Variants in MEIS1 observed in about 807,000 individuals in gnomAD.
The protein encoded by MEIS1 is Meis homeobox 1, also known as homeobox protein Meis1.
In MEIS1, 5 loss-of-function variants were observed where a neutral mutation model predicts 50.8. The ratio of observed to expected loss-of-function variants is 0.10; its 90% CI spans 0.05 to 0.21. The LOEUF is 0.21. MEIS1 is among the 10% of genes least tolerant of loss of function. MEIS1 has a pLI of 1.00. For missense variants in MEIS1, 318 were observed against 517.3 expected, an observed-to-expected ratio of 0.61 and a Z score of 3.74; for synonymous variants, 176 against 179.3, an observed-to-expected ratio of 0.98 and a Z score of 0.15.
At chr2:66,499,761 G>A (rs1339868118) in intron 7 of MEIS1, among the ~76,000 whole-genome samples, 1 of 150,290 alleles carries the variant, frequency 6.7e-6, no homozygotes, top group African/African-American at 2.5e-5. Flanking sequence ...AATCAGGAAA[G>A]ATGTGGTCCG....
intron 8 of MEIS1, among the ~76,000 whole-genome samples, chr2:66,537,635 A>G (rs2103908514): frequency 6.6e-6 from 1 of 152,272 alleles, no homozygotes; most frequent in African/African-American, 2.4e-5. Flanking sequence ...TTAGACAAGG[A>G]TTTTTCCTGA....
intron 6 of MEIS1, among the ~76,000 whole-genome samples, chr2:66,458,887 A>G (rs991556753): frequency 2.6e-5 from 4 of 152,258 alleles, no homozygotes; most frequent in African/African-American, 4.8e-5. Context: ...AAGATTCCAT[A>G]TGTATTACTT....
At chr2:66,441,550 C>CA in intron 5 of MEIS1, 86 bp downstream of exon 5, 3 of 1,081,548 alleles carry the variant, frequency 2.8e-6, no homozygotes, top group Non-Finnish European at 2.6e-6. Context: ...GAAGTTCAGC[C>CA]TTCTGATACA....
Position 66,448,839 on chromosome 2 carries a change from A to G in MEIS1, c.630+5791A>G, listed in dbSNP as rs115799649. Among the ~76,000 whole-genome samples the G allele has an allele frequency of 4.6e-3, 708 of 152,284 alleles. 10 individuals are homozygous for G. The highest frequency in any genetic ancestry group is 0.016 in the African/African-American group (679 of 41,586). On this transcript the variant is annotated intron_variant, in intron 6 of 12. Coordinates refer to ENST00000272369, the MANE Select transcript of MEIS1 (RefSeq NM_002398.3). The stretch of plus-strand genomic sequence containing the variant: ...CTTCCTGTAAGAAGGTCTATAATTC[A>G]AAATTATTTGACTCCACTGTCAGGG...
chr2:66,502,247 C>T (rs1244359239), intron 7 of MEIS1, among the ~76,000 whole-genome samples: 1 of 151,966 alleles, frequency 6.6e-6, no homozygotes, highest in Non-Finnish European at 1.5e-5. Context: ...CAAATATAGG[C>T]AGGGGTAAAT....
At chr2:66,544,915 C>A (rs1674753050) in intron 8 of MEIS1, among the ~76,000 whole-genome samples, 1 of 152,276 alleles carries the variant, frequency 6.6e-6, no homozygotes, top group Admixed American at 6.5e-5. Flanking sequence ...CCCTTTGAAG[C>A]TCCAGGTAGT....
chr2:66,484,218 G>A (rs1458987327), intron 7 of MEIS1, among the ~76,000 whole-genome samples: 1 of 152,128 alleles, frequency 6.6e-6, no homozygotes, highest in Non-Finnish European at 1.5e-5. Context: ...TTGTTTATAA[G>A]AAATCAACTT....
chr2:66,549,730 A>C (rs1674873667), intron 9 of MEIS1, among the ~76,000 whole-genome samples: 1 of 152,120 alleles, frequency 6.6e-6, no homozygotes, highest in South Asian at 2.1e-4. Context: ...TCTCTAGTTA[A>C]GAAACGAAAA....
intron 9 of MEIS1, among the ~76,000 whole-genome samples, chr2:66,560,116 T>G (rs1675176536): frequency 6.6e-6 from 1 of 151,622 alleles, no homozygotes; most frequent in Non-Finnish European, 1.5e-5. Flanking sequence ...TTTTTTTTTT[T>G]TTTTTTTAGG....
At chr2:66,508,916 A>G (rs1337004253) in intron 7 of MEIS1, 5 of 431,182 alleles carry the variant, frequency 1.2e-5, no homozygotes, top group East Asian at 1.5e-4. Context: ...GTTTGCCTTC[A>G]TTTGGCGGCA....
At chr2:66,501,453 A>T (rs1319608810) in intron 7 of MEIS1, among the ~76,000 whole-genome samples, 1 of 148,562 alleles carries the variant, frequency 6.7e-6, no homozygotes, top group Non-Finnish European at 1.5e-5. Context: ...ATTTAGTTGT[A>T]AAAAAAAAAT....
intron 6 of MEIS1, among the ~76,000 whole-genome samples, chr2:66,459,210 AG>A (rs1193048652): frequency 6.6e-6 from 1 of 152,166 alleles, no homozygotes; most frequent in Non-Finnish European, 1.5e-5. Context: ...GGCTGGGGTC[AG>A]GCAGGGCAGA....
In MEIS1 at chr2:66,556,491, C is replaced by CTT. The variant is rs11369455; in HGVS notation, c.965+8485_965+8486dup. ...ATCTGGCTTAATATTGATAAAGTCACTTTTTTTTTTTTTTCAAAAACAATA... is the reference window on the plus strand; with the variant it reads ...ATCTGGCTTAATATTGATAAAGTCACTTTTTTTTTTTTTTTTCAAAAACAATA... On this transcript the variant is annotated intron_variant, in intron 9 of 12. Coordinates refer to ENST00000272369, the MANE Select transcript of MEIS1 (RefSeq NM_002398.3). Among the ~76,000 whole-genome samples, 703 of 143,890 alleles carry CTT rather than the reference C, an allele frequency of 4.9e-3. 3 individuals are homozygous for CTT. The highest frequency in any genetic ancestry group is 0.024 in the East Asian group (118 of 4,934). The allele number at this position is 143,890 out of a possible 152,430, so 94.4% of individuals were successfully genotyped here.
intron 8 of MEIS1, among the ~76,000 whole-genome samples, chr2:66,522,437 G>A (rs1674147882): frequency 6.6e-6 from 1 of 152,212 alleles, no homozygotes; most frequent in Admixed American, 6.5e-5. Context: ...TGGGCCAGGC[G>A]AGGGGATCCT....
At chr2:66,535,444 C>G (rs111242231) in intron 8 of MEIS1, among the ~76,000 whole-genome samples, 1 of 152,202 alleles carries the variant, frequency 6.6e-6, no homozygotes, top group Non-Finnish European at 1.5e-5. Context: ...AACTTTATCT[C>G]ACAGTCTTGT....
At chr2:66,469,102 A>G (rs974420461) in intron 7 of MEIS1, among the ~76,000 whole-genome samples, 2 of 152,154 alleles carry the variant, frequency 1.3e-5, no homozygotes, top group Non-Finnish European at 2.9e-5. Flanking sequence ...TTTCAACCCT[A>G]AAGGCTTTTA....
intron 7 of MEIS1, among the ~76,000 whole-genome samples, chr2:66,480,479 A>G (rs567140416): frequency 5.9e-5 from 9 of 152,246 alleles, no homozygotes; most frequent in Admixed American, 1.3e-4. Context: ...GATTTATCCA[A>G]TGAAGGTACA....
intron 10 of MEIS1, 156 bp from the exon 11 acceptor site, chr2:66,568,511 A>AGGTG: frequency 1.0e-5 from 4 of 398,090 alleles, no homozygotes; most frequent in South Asian, 5.3e-5. Context: ...GTGTAGATCT[A>AGGTG]GTCTGAGAGA....
intron 9 of MEIS1, among the ~76,000 whole-genome samples, chr2:66,548,840 A>G (rs1424309229): frequency 1.3e-5 from 2 of 152,212 alleles, no homozygotes; most frequent in African/African-American, 4.8e-5. Flanking sequence ...ATGATGGGGA[A>G]ACCTTATCCT....
Sources: gnomAD v4.1 joint callset for allele counts (sites outside exome capture counted in the v4.1 genomes callset) on GRCh38, gnomAD v4.1.1 for gene constraint, MANE v1.5 for transcripts, NCBI Gene and HGNC (gene_info 2026-07-23, HGNC 2026-07-21) for gene names.